VRK2: variants seen among roughly 807,000 people sequenced by gnomAD.
VRK2 encodes VRK serine/threonine kinase 2.
In VRK2, 60 loss-of-function variants were observed where a neutral mutation model predicts 57.6. The ratio of observed to expected loss-of-function variants is 1.04; its 90% CI spans 0.85 to 1.29. The LOEUF (loss-of-function observed/expected upper bound fraction) is 1.29. Among genes scored for constraint, VRK2 ranks in the 50% most tolerant of loss-of-function variants. The pLI is 0.00. For missense variants in VRK2, 705 were observed against 588.1 expected, an observed-to-expected ratio of 1.20 and a Z score of -2.06; for synonymous variants, 231 against 199.2, an observed-to-expected ratio of 1.16 and a Z score of -1.35.
intron 7 of VRK2, among the ~76,000 whole-genome samples, chr2:58,105,732 T>C (rs565663934): frequency 6.6e-6 from 1 of 151,956 alleles, no homozygotes; most frequent in African/African-American, 2.4e-5. Context: ...AGGTGCCCTT[T>C]TTTAGTGGCT....
At position 58,088,339 on chromosome 2, in the gene VRK2, A is replaced by G; in HGVS notation, c.345-2A>G. ...TCTCTTTTTGATGCTTTTTTCTTAC[A>G]GTTACAGATTTATGGTAATGGAAAG... On this transcript the variant is annotated splice_acceptor_variant, in intron 5 of 12. Coordinates refer to ENST00000340157, the MANE Select transcript of VRK2 (RefSeq NM_006296.7). LOFTEE classifies it high-confidence loss of function. The G allele has an allele frequency of 6.3e-7, 1 of 1,585,266 alleles. No individual in the cohort carries two copies. Among genetic ancestry groups the G allele is most frequent in the Non-Finnish European group, 8.6e-7 (1 of 1,161,382 alleles).
At chr2:58,042,571 T>C (rs1223529000), upstream of VRK2, among the ~76,000 whole-genome samples, 1 of 152,238 alleles carries the variant, frequency 6.6e-6, no homozygotes. Context: ...AACATTTTAA[T>C]TGATTTGAAA....
intron 1 of VRK2, chr2:58,018,081 C>G (rs1038808865): frequency 5.3e-5 from 8 of 152,192 alleles, no homozygotes; most frequent in African/African-American, 1.7e-4. Flanking sequence ...GCCTCTGCCT[C>G]CCAAGGTAAA....
chr2:57,978,631 G>A (rs1025730616), intron 1 of VRK2, among the ~76,000 whole-genome samples: 1 of 150,366 alleles, frequency 6.7e-6, no homozygotes, highest in Admixed American at 6.6e-5. Context: ...CTCAGGCCAA[G>A]TATCTTTTTT....
At chr2:58,099,201 T>C (rs1423028595) in intron 7 of VRK2, among the ~76,000 whole-genome samples, 1 of 152,048 alleles carries the variant, frequency 6.6e-6, no homozygotes, top group African/African-American at 2.4e-5. Context: ...GATTACAACT[T>C]TTATTTCAGT....
At chr2:58,054,833 C>G (rs139529664) in intron 2 of VRK2, among the ~76,000 whole-genome samples, 3 of 152,036 alleles carry the variant, frequency 2.0e-5, no homozygotes, top group Admixed American at 6.6e-5. Context: ...GACTGTTATT[C>G]CTGAACACTC....
At chr2:57,911,354 A>T (rs1227286904) in intron 1 of VRK2, among the ~76,000 whole-genome samples, 2 of 152,186 alleles carry the variant, frequency 1.3e-5, no homozygotes, top group Non-Finnish European at 2.9e-5. Flanking sequence ...TTTGGGAAAC[A>T]CTACACCCTT....
intron 1 of VRK2, among the ~76,000 whole-genome samples, chr2:57,935,923 T>G (rs1305049261): frequency 6.6e-6 from 1 of 152,156 alleles, no homozygotes; most frequent in African/African-American, 2.4e-5. Flanking sequence ...GATATTTTGC[T>G]CCAAGGTGTG....
chr2:58,001,543 C>G (rs1673088016), intron 1 of VRK2, among the ~76,000 whole-genome samples: 1 of 151,974 alleles, frequency 6.6e-6, no homozygotes, highest in Non-Finnish European at 1.5e-5. Flanking sequence ...ATGAGTTGGC[C>G]CATTGTGGTG....
chr2:57,924,720 G>C (rs1159785713), intron 1 of VRK2, among the ~76,000 whole-genome samples: 1 of 151,964 alleles, frequency 6.6e-6, no homozygotes, highest in Non-Finnish European at 1.5e-5. Context: ...GATTGCTCCA[G>C]CTAGCCTTTC....
At position 58,103,184 on chromosome 2, in the gene VRK2, A is replaced by G. The variant is rs190883962; in HGVS notation, c.543+13461A>G. ...ATCTCAAAAAAATAGAAAAACAAGA[A>G]CAAACCATACCCATAGCTAGCAGAA... is the stretch of plus-strand genomic sequence containing the variant. On this transcript the variant is annotated intron_variant, in intron 7 of 12. Transcript: ENST00000340157. 3.3e-5 allele frequency among the ~76,000 whole-genome samples: 5 copies of G among 151,724 alleles called. No homozygotes were observed. The East Asian group carries it at 9.6e-4, about 29-fold the overall frequency.
At chr2:58,021,754 A>C (rs1212721847) in intron 1 of VRK2, among the ~76,000 whole-genome samples, 1 of 151,988 alleles carries the variant, frequency 6.6e-6, no homozygotes, top group Non-Finnish European at 1.5e-5. Context: ...CATCCCCCAT[A>C]CCTTTCCACA....
At chr2:57,990,854 TACACAC>T (rs34097486) in intron 1 of VRK2, among the ~76,000 whole-genome samples, 16,594 of 148,454 alleles carry the variant, frequency 0.11, 936 homozygotes, top group East Asian at 0.19. Context: ...CACACAGACA[TACACAC>T]ACACACACAC....
chr2:57,916,543 A>G (rs997070095), intron 1 of VRK2, among the ~76,000 whole-genome samples: 3 of 152,034 alleles, frequency 2.0e-5, no homozygotes, highest in Admixed American at 6.6e-5. Flanking sequence ...CTTAAGCCCA[A>G]TGATAATAAT....
In VRK2 at chr2:58,147,562, C is replaced by T. The variant is rs1448307786; in HGVS notation, c.1182+1088C>T. ...GGTGTACAGGGATAGGGAAGCACTG[C>T]GAAAATACTGATGCAAAGAAATTGA... is the stretch of plus-strand genomic sequence containing the variant. On this transcript the variant is annotated intron_variant, in intron 12 of 12. Transcript: ENST00000340157. Among the ~76,000 whole-genome samples, 7 of 151,858 alleles carry T rather than the reference C, an allele frequency of 4.6e-5. No homozygotes were observed. The South Asian group carries it at 1.5e-3, about 32-fold the overall frequency.
At chr2:57,998,138 G>C (rs1672982317) in intron 1 of VRK2, among the ~76,000 whole-genome samples, 1 of 152,114 alleles carries the variant, frequency 6.6e-6, no homozygotes, top group Non-Finnish European at 1.5e-5. Flanking sequence ...GCCAAAAGGT[G>C]GGCAGGGTTG....
At chr2:58,128,233 T>G (rs2104520329) in intron 8 of VRK2, among the ~76,000 whole-genome samples, 1 of 152,330 alleles carries the variant, frequency 6.6e-6, no homozygotes, top group South Asian at 2.1e-4. Flanking sequence ...GTCTTGGTGC[T>G]TTAAGTTTAA....
chr2:57,980,035 G>A (rs900825831), intron 1 of VRK2, among the ~76,000 whole-genome samples: 2 of 151,780 alleles, frequency 1.3e-5, no homozygotes, highest in African/African-American at 4.8e-5. Context: ...TCTCAACTTC[G>A]TTCAGTTCAG....
At chr2:58,049,005 C>A (rs1157778085) in intron 2 of VRK2, 38 bp downstream of exon 2, 5 of 1,597,830 alleles carry the variant, frequency 3.1e-6, no homozygotes, top group Non-Finnish European at 4.3e-6. Context: ...ATTCTTATAT[C>A]TGTGACTGTA....
Sources: gnomAD v4.1 joint callset for allele counts (sites outside exome capture counted in the v4.1 genomes callset) on GRCh38, gnomAD v4.1.1 for gene constraint, MANE v1.5 for transcripts, NCBI Gene and HGNC (gene_info 2026-07-23, HGNC 2026-07-21) for gene names.